Variants in KCND2 observed in about 807,000 individuals in gnomAD.
KCND2 encodes the protein A-type voltage-gated potassium channel KCND2.
Under a neutral mutation model 54.4 loss-of-function variants are expected in KCND2, and 16 were observed. The observed-to-expected ratio is 0.29, with a 90% confidence interval of 0.20 to 0.45. The LOEUF (loss-of-function observed/expected upper bound fraction) is 0.45, where lower values mean the gene tolerates loss of function less well. Among genes scored for constraint, KCND2 ranks in the 20% least tolerant of loss-of-function variants. KCND2 has a pLI of 1.00. For missense variants in KCND2, 486 were observed against 824.2 expected (o/e 0.59, Z 5.02); for synonymous variants, 317 against 310.7 (o/e 1.02, Z -0.21).
At chr7:120,730,978 C>G (rs1484532313) in intron 1 of KCND2, among the ~76,000 whole-genome samples, 1 of 152,210 alleles carries the variant, frequency 6.6e-6, no homozygotes, top group Non-Finnish European at 1.5e-5. Flanking sequence ...ACTACACTCT[C>G]TGAGCATTGA....
chr7:120,641,293 T>C (rs1793369607), intron 1 of KCND2, among the ~76,000 whole-genome samples: 1 of 151,874 alleles, frequency 6.6e-6, no homozygotes, highest in African/African-American at 2.4e-5. Flanking sequence ...GGAGAACACA[T>C]GGGGAAAATG....
At chr7:120,592,485 T>C (rs1432339038) in intron 1 of KCND2, among the ~76,000 whole-genome samples, 2 of 152,094 alleles carry the variant, frequency 1.3e-5, no homozygotes, top group South Asian at 4.1e-4. Context: ...GGAGCCAAGA[T>C]CATGCCACTG....
rs371265027 is a variant in KCND2, at chr7:120,581,352, TAGC to T, written c.1116-151548_1116-151546del. Among the ~76,000 whole-genome samples, 53 of 152,346 alleles carry T rather than the reference TAGC, an allele frequency of 3.5e-4. No individual in the cohort carries two copies. In the East Asian group the frequency reaches 4.0e-3, roughly 12 times the overall value. ...ATGGTTTTATATCATAGGACGTTCTTAGCAGACAGTATCTTGCACCCAGTAGGT... is the reference window on the plus strand; with the variant it reads ...ATGGTTTTATATCATAGGACGTTCTTAGACAGTATCTTGCACCCAGTAGGT... On this transcript the variant is annotated intron_variant, in intron 1 of 5. Transcript: ENST00000331113.
chr7:120,725,737 A>T (rs1792725214), intron 1 of KCND2, among the ~76,000 whole-genome samples: 1 of 152,230 alleles, frequency 6.6e-6, no homozygotes, highest in Admixed American at 6.5e-5. Context: ...AATATTTAAC[A>T]TCGATACTCC....
intron 1 of KCND2, among the ~76,000 whole-genome samples, chr7:120,474,033 G>A (rs928520303): frequency 1.3e-5 from 2 of 152,170 alleles, no homozygotes; most frequent in South Asian, 2.1e-4. Context: ...CTAATGGTGC[G>A]TCTTGCAGGA....
intron 1 of KCND2, among the ~76,000 whole-genome samples, chr7:120,716,241 C>T (rs902679703): frequency 7.9e-5 from 12 of 151,684 alleles, no homozygotes; most frequent in Non-Finnish European, 1.8e-4. Context: ...TATGTATAAG[C>T]AGTAAATCAA....
At chr7:120,674,572 A>G (rs1189922232) in intron 1 of KCND2, among the ~76,000 whole-genome samples, 2 of 152,256 alleles carry the variant, frequency 1.3e-5, no homozygotes, top group Non-Finnish European at 2.9e-5. Context: ...ATTAGTAGAC[A>G]CAGCTATATT....
chr7:120,368,397 T>TA (rs995374365), intron 1 of KCND2, among the ~76,000 whole-genome samples: 32 of 151,350 alleles, frequency 2.1e-4, no homozygotes, highest in East Asian at 5.8e-4. Flanking sequence ...CCTGAAAAAA[T>TA]AAAAAAAATA....
At chr7:120,619,324 G>A (rs950553122) in intron 1 of KCND2, among the ~76,000 whole-genome samples, 1 of 152,154 alleles carries the variant, frequency 6.6e-6, no homozygotes, top group African/African-American at 2.4e-5. Flanking sequence ...TAGCTACTCA[G>A]GAAACTGAGC....
chr7:120,340,021 G>A (rs1167899706), intron 1 of KCND2, among the ~76,000 whole-genome samples: 2 of 152,172 alleles, frequency 1.3e-5, no homozygotes, highest in African/African-American at 4.8e-5. Context: ...AGGGAGTGGA[G>A]CCTAATCATA....
chr7:120,699,389 T>C (rs983527100), intron 1 of KCND2, among the ~76,000 whole-genome samples: 5 of 152,232 alleles, frequency 3.3e-5, no homozygotes, highest in African/African-American at 7.2e-5. Context: ...TTTCTTGAGC[T>C]TCTTATTTGT....
intron 1 of KCND2, among the ~76,000 whole-genome samples, chr7:120,297,170 C>A (rs1051902578): frequency 5.3e-5 from 8 of 151,916 alleles, no homozygotes; most frequent in African/African-American, 1.7e-4. Flanking sequence ...TATTCACTTC[C>A]CCCCCAGCTC....
intron 1 of KCND2, among the ~76,000 whole-genome samples, chr7:120,314,073 A>G (rs1006856976): frequency 2.6e-5 from 4 of 151,720 alleles, no homozygotes; most frequent in Admixed American, 2.6e-4. Flanking sequence ...TAAATACAAA[A>G]AAAAAAAAGC....
chr7:120,340,050 A>C (rs1483455563), intron 1 of KCND2, among the ~76,000 whole-genome samples: 1 of 152,200 alleles, frequency 6.6e-6, no homozygotes, highest in Non-Finnish European at 1.5e-5. Flanking sequence ...AGTGTTTCAC[A>C]GGTGCTTGTA....
intron 1 of KCND2, among the ~76,000 whole-genome samples, chr7:120,569,974 CA>C (rs1174213139): frequency 1.3e-5 from 2 of 151,988 alleles, no homozygotes; most frequent in East Asian, 3.9e-4. Context: ...CAAAACAAAA[CA>C]AAAAAACACT....
intron 1 of KCND2, among the ~76,000 whole-genome samples, chr7:120,351,412 A>ACACT (rs1239086324): frequency 9.0e-5 from 9 of 99,802 alleles, no homozygotes; most frequent in African/African-American, 3.0e-4. Context: ...ACACACACAC[A>ACACT]CTCTCTCTCT....
At chr7:120,607,796 G>A (rs1792901273) in intron 1 of KCND2, among the ~76,000 whole-genome samples, 1 of 152,038 alleles carries the variant, frequency 6.6e-6, no homozygotes, top group African/African-American at 2.4e-5. Flanking sequence ...TATAGCATGA[G>A]TGGTATTAGA....
At chr7:120,738,036 C>T (rs979311196) in intron 2 of KCND2, among the ~76,000 whole-genome samples, 2 of 151,864 alleles carry the variant, frequency 1.3e-5, no homozygotes, top group Non-Finnish European at 2.9e-5. Context: ...CTCTGTTCCA[C>T]AACATAAACT....
At chr7:120,365,097 T>C (rs78009081) in intron 1 of KCND2, among the ~76,000 whole-genome samples, 3,308 of 151,718 alleles carry the variant, frequency 0.022, 103 homozygotes, top group African/African-American at 0.073. Flanking sequence ...AAGGTAAAGT[T>C]CATAGTTGTT....
Sources: allele counts gnomAD v4.1 joint callset (sites outside exome capture counted in the v4.1 genomes callset), GRCh38; gene constraint gnomAD v4.1.1; transcripts MANE v1.5; gene names NCBI Gene and HGNC (gene_info 2026-07-23, HGNC 2026-07-21).